CALD1: variants seen among roughly 807,000 people sequenced by gnomAD.
CALD1 encodes the protein caldesmon.
In CALD1, 33 loss-of-function variants were observed where a neutral mutation model predicts 99.9. The observed-to-expected ratio is 0.33, with a 90% CI of 0.25 to 0.44. The LOEUF is 0.44. Ranked by LOEUF, CALD1 falls within the 20% of genes least tolerant of loss-of-function variation. CALD1 has a pLI of 1.00. For missense variants in CALD1, 861 were observed against 962.1 expected (o/e 0.89, Z 1.39); for synonymous variants, 310 against 325.0 (o/e 0.95, Z 0.50).
At chr7:134,844,044 T>C (rs1253374830) in intron 2 of CALD1, 73 bp downstream of exon 2, 1 of 152,224 alleles carries the variant, frequency 6.6e-6, no homozygotes. Flanking sequence ...GTGCCTGATA[T>C]TCTAAATTCT....
At chr7:134,880,596 C>G (rs12532492) in intron 3 of CALD1, among the ~76,000 whole-genome samples, 4 of 151,878 alleles carry the variant, frequency 2.6e-5, no homozygotes, top group African/African-American at 9.7e-5. Flanking sequence ...CTGTTTCTCT[C>G]ATCAAAACTG....
intron 1 of CALD1, among the ~76,000 whole-genome samples, chr7:134,752,083 G>A (rs1165818137): frequency 1.3e-5 from 2 of 152,204 alleles, no homozygotes; most frequent in Non-Finnish European, 2.9e-5. Flanking sequence ...AAGACATACT[G>A]GGAGGAGATT....
At chr7:134,830,241 C>T (rs1799166854) in intron 1 of CALD1, among the ~76,000 whole-genome samples, 1 of 152,168 alleles carries the variant, frequency 6.6e-6, no homozygotes, top group Non-Finnish European at 1.5e-5. Context: ...AGAGGCTCTA[C>T]TATGATGTGT....
upstream of CALD1, among the ~76,000 whole-genome samples, chr7:134,779,073 G>A (rs1442358200): frequency 6.6e-6 from 1 of 152,104 alleles, no homozygotes; most frequent in African/African-American, 2.4e-5. Context: ...TCTCCTTCAG[G>A]TTTTAGAATT....
At chr7:134,889,477 C>A (rs1328107270) in intron 3 of CALD1, among the ~76,000 whole-genome samples, 1 of 152,228 alleles carries the variant, frequency 6.6e-6, no homozygotes, top group African/African-American at 2.4e-5. Context: ...CCTTTAATTT[C>A]ATCATATCGA....
chr7:134,782,281 T>C (rs1797135923), intron 1 of CALD1, among the ~76,000 whole-genome samples: 1 of 152,218 alleles, frequency 6.6e-6, no homozygotes, highest in Admixed American at 6.5e-5. Flanking sequence ...TAGAGTGGTA[T>C]GCAAATAGCA....
chr7:134,720,380 G>A, the CALD1 span, among the ~76,000 whole-genome samples: 3 of 152,050 alleles, frequency 2.0e-5, no homozygotes, highest in Non-Finnish European at 4.4e-5. Context: ...TAATAAGATC[G>A]CTGTTGTAAT....
intron 1 of CALD1, among the ~76,000 whole-genome samples, chr7:134,833,136 A>G (rs1282774367): frequency 6.6e-6 from 1 of 152,238 alleles, no homozygotes; most frequent in Non-Finnish European, 1.5e-5. Context: ...CAACTGCCAA[A>G]AATTTTTATT....
At chr7:134,875,631 T>C (rs1437450018) in intron 3 of CALD1, among the ~76,000 whole-genome samples, 4 of 152,192 alleles carry the variant, frequency 2.6e-5, no homozygotes, top group Non-Finnish European at 4.4e-5. Context: ...GAGCGAATGC[T>C]TTGCTCACCC....
chr7:134,947,501 A>G lies in CALD1; in HGVS notation c.1533-7A>G, dbSNP rs536054288. 40 of 1,566,128 alleles carry G rather than the reference A, an allele frequency of 2.6e-5. No homozygotes were observed. The African/African-American group carries it at 2.7e-4, about 11-fold the overall frequency. On this transcript the variant is annotated splice_polypyrimidine_tract_variant and splice_region_variant and intron_variant, in intron 7 of 14. Transcript: ENST00000361675. ...GTAAACCCCTTTCCATTGCCCCCCA[A>G]CCACAGCCGCCCTGGAGGGAGGGCC...
At position 134,867,701 on chromosome 7, in the gene CALD1, A is replaced by G. The variant is rs751073894; in HGVS notation, c.-33A>G. On this transcript the variant is annotated 5_prime_UTR_variant, in exon 3 of 15. Transcript: ENST00000361675. ...TACCTCCTCTCTTTCAGGTCCAGAC[A>G]TCATCTGGTCTCCCTGAACCTGAAA... 2.1e-6 allele frequency: 3 copies of G among 1,422,104 alleles called. No homozygotes were observed. The highest frequency in any genetic ancestry group is 4.6e-5 in the East Asian group (2 of 43,654). The allele number at this position is 1,422,104 out of a possible 1,614,324, so 88.1% of individuals were successfully genotyped here.
intron 3 of CALD1, among the ~76,000 whole-genome samples, chr7:134,874,095 G>T (rs1196592481): frequency 6.6e-6 from 1 of 152,164 alleles, no homozygotes; most frequent in Non-Finnish European, 1.5e-5. Flanking sequence ...GTCTCAGCTG[G>T]AAGAATTAGC....
chr7:134,748,703 C>T (rs1796657439), intron 1 of CALD1, among the ~76,000 whole-genome samples: 2 of 78,888 alleles, frequency 2.5e-5, no homozygotes, highest in Non-Finnish European at 2.2e-5. Context: ...AAGAGTGAAA[C>T]TCCATCCCCC....
At chr7:134,793,819 AT>A (rs77046504) in intron 1 of CALD1, among the ~76,000 whole-genome samples, 14,653 of 140,854 alleles carry the variant, frequency 0.1, 1,134 homozygotes, top group African/African-American at 0.22. Context: ...TTTATGTACC[AT>A]TTTTTTTTTT....
At chr7:134,908,826 T>C (rs1214823289) in intron 3 of CALD1, among the ~76,000 whole-genome samples, 2 of 152,122 alleles carry the variant, frequency 1.3e-5, no homozygotes, top group South Asian at 2.1e-4. Context: ...TATATATATA[T>C]ATATATGAAA....
intron 1 of CALD1, among the ~76,000 whole-genome samples, chr7:134,761,555 C>G (rs1042581453): frequency 4.6e-5 from 7 of 152,202 alleles, no homozygotes; most frequent in African/African-American, 1.7e-4. Flanking sequence ...GTTCACATTT[C>G]TTAATCTCTT....
intron 1 of CALD1, among the ~76,000 whole-genome samples, chr7:134,833,989 T>A (rs1226050492): frequency 6.6e-6 from 1 of 152,224 alleles, no homozygotes. Flanking sequence ...GGAAGAAAGA[T>A]GCCTAGAATC....
At chr7:134,928,412 G>A (rs1805214241) in intron 3 of CALD1, among the ~76,000 whole-genome samples, 1 of 111,502 alleles carries the variant, frequency 9.0e-6, no homozygotes, top group Admixed American at 1.2e-4. Context: ...CCGGGTGACA[G>A]TGCAAGACTG....
chr7:134,796,963 G>A (rs530356605), intron 1 of CALD1, among the ~76,000 whole-genome samples: 1 of 152,226 alleles, frequency 6.6e-6, no homozygotes, highest in Admixed American at 6.5e-5. Context: ...TGAAAAGGGA[G>A]GATTGAGACA....
Sources: gnomAD v4.1 joint callset for allele counts (sites outside exome capture counted in the v4.1 genomes callset) on GRCh38, gnomAD v4.1.1 for gene constraint, MANE v1.5 for transcripts, NCBI Gene and HGNC (gene_info 2026-07-23, HGNC 2026-07-21) for gene names.